Variants in ABLIM3 observed in about 807,000 individuals in gnomAD.
The protein encoded by ABLIM3 is actin binding LIM protein family member 3, also known as actin-binding LIM protein 3.
Under a neutral mutation model 109.5 loss-of-function variants are expected in ABLIM3, and 61 were observed. The ratio of observed to expected loss-of-function variants is 0.56; its 90% CI spans 0.45 to 0.69. The LOEUF is 0.69. ABLIM3 is among the 30% of genes least tolerant of loss of function. The probability of loss-of-function intolerance (pLI) is 0.00; values close to 1 mark genes in which losing one functional copy is unlikely to be tolerated. For synonymous variants in ABLIM3, 300 were observed against 324.8 expected (o/e 0.92, Z 0.82); for missense variants, 796 against 889.5 (o/e 0.89, Z 1.34).
intron 2 of ABLIM3, among the ~76,000 whole-genome samples, chr5:149,160,994 C>T (rs141673172): frequency 6.6e-6 from 1 of 152,330 alleles, no homozygotes; most frequent in East Asian, 1.9e-4. Context: ...GGCTTCTTAG[C>T]CCTAATCCCC....
At chr5:149,185,188 G>C (rs532799824) in intron 3 of ABLIM3, among the ~76,000 whole-genome samples, 1 of 152,268 alleles carries the variant, frequency 6.6e-6, no homozygotes, top group South Asian at 2.1e-4. Context: ...CTCTGGGTTG[G>C]CTGGGAAGTG....
chr5:149,203,639 C>T (rs567660365), intron 5 of ABLIM3, among the ~76,000 whole-genome samples: 141 of 152,166 alleles, frequency 9.3e-4, no homozygotes, highest in African/African-American at 3.2e-3. Context: ...CCTTCGCCAA[C>T]GCTACCATAA....
chr5:149,173,420 C>T (rs556474339), intron 2 of ABLIM3, among the ~76,000 whole-genome samples: 1 of 152,304 alleles, frequency 6.6e-6, no homozygotes, highest in South Asian at 2.1e-4. Flanking sequence ...AGGCAAGTGT[C>T]CCTGATCTGA....
At chr5:149,242,766 A>G (rs12153240) in intron 15 of ABLIM3, among the ~76,000 whole-genome samples, 62,177 of 151,956 alleles carry the variant, frequency 0.41, 13,286 homozygotes, top group East Asian at 0.59. Context: ...CACCTTTGCA[A>G]TCTCCCCCTT....
Position 149,146,519 on chromosome 5 carries a change from A to G in ABLIM3, c.13+4411A>G, listed in dbSNP as rs142667684. On this transcript the variant is annotated intron_variant, in intron 2 of 23. Transcript: ENST00000309868. ...TGGTGAAAGGTAAGGGTCCAGTTTC[A>G]TTTTTCTGCATGTGGTTAGCCAACT... Among the ~76,000 whole-genome samples, 37 of 152,184 alleles carry G rather than the reference A, an allele frequency of 2.4e-4. No individual in the cohort carries two copies. The East Asian group carries it at 7.2e-3, about 29-fold the overall frequency.
chr5:149,237,541 T>TCATATGAGCCTCATTC lies in ABLIM3; in HGVS notation c.983_984insATATGAGCCTCATTCC (p.Arg334LeufsTer2), dbSNP rs1186603213. The TCATATGAGCCTCATTC allele has an allele frequency of 1.9e-6, 3 of 1,614,166 alleles. No homozygotes were observed. ...CGAGGTACAACGCCCCGACCTCATTTCCTATGAGCCTCATTCCAGATACAT... is the reference window on the plus strand; with the variant it reads ...CGAGGTACAACGCCCCGACCTCATTTCATATGAGCCTCATTCCCTATGAGCCTCATTCCAGATACAT... On this transcript the variant is annotated frameshift_variant, in exon 11 of 24. Transcript: ENST00000309868. LOFTEE classifies it high-confidence loss of function.
In ABLIM3 at chr5:149,186,907, T is replaced by C. The variant is rs551398924; in HGVS notation, c.151+3318T>C. 4.6e-5 allele frequency among the ~76,000 whole-genome samples: 7 copies of C among 151,652 alleles called. No homozygotes were observed. In the Middle Eastern group the frequency reaches 0.024, roughly 519 times the overall value. Reference sequence around the variant, plus strand: ...GCAGAAGATTTGAAAAGGAAACAAATAAAACTTCTAAAAATAGAAATATAT... The same window carrying C: ...GCAGAAGATTTGAAAAGGAAACAAACAAAACTTCTAAAAATAGAAATATAT... On this transcript the variant is annotated intron_variant, in intron 3 of 23. Coordinates refer to ENST00000309868, the MANE Select transcript of ABLIM3 (RefSeq NM_014945.5).
intron 8 of ABLIM3, among the ~76,000 whole-genome samples, chr5:149,221,563 G>A (rs1392284216): frequency 2.6e-5 from 4 of 152,120 alleles, no homozygotes; most frequent in Non-Finnish European, 5.9e-5. Context: ...GGAGACAAGA[G>A]CAAGTTTTAT....
intron 7 of ABLIM3, among the ~76,000 whole-genome samples, chr5:149,211,719 A>G (rs1161540044): frequency 6.6e-6 from 1 of 151,720 alleles, no homozygotes; most frequent in Non-Finnish European, 1.5e-5. Context: ...AGCCACATGT[A>G]GACTCAGCAG....
chr5:149,204,226 G>A (rs1232131162), intron 5 of ABLIM3, among the ~76,000 whole-genome samples: 5 of 152,332 alleles, frequency 3.3e-5, no homozygotes, highest in East Asian at 3.9e-4. Context: ...GGGACAGGTG[G>A]TAGCATCATA....
Position 149,206,954 on chromosome 5 carries a change from C to A in ABLIM3, c.449-54C>A. 7.0e-6 allele frequency: 11 copies of A among 1,578,814 alleles called. 1 individual carries two copies. The highest frequency in any genetic ancestry group is 5.7e-5 in the South Asian group (5 of 87,920). On this transcript the variant is annotated intron_variant, in intron 5 of 23. Coordinates refer to ENST00000309868, the MANE Select transcript of ABLIM3 (RefSeq NM_014945.5). ...TTTCCTTGACGTGGGCCTGAGATAG[C>A]GGGGGTTAAAGGGCCCAGGGTGCTT...
At chr5:149,211,819 G>T (rs1041814824) in intron 7 of ABLIM3, among the ~76,000 whole-genome samples, 2 of 152,128 alleles carry the variant, frequency 1.3e-5, no homozygotes, top group African/African-American at 4.8e-5. Flanking sequence ...GAAGGGCCCT[G>T]AGGTGGGAAA....
At chr5:149,237,704 T>C in intron 11 of ABLIM3, 101 bp downstream of exon 11, 1 of 1,482,600 alleles carries the variant, frequency 6.7e-7, no homozygotes, top group Non-Finnish European at 9.1e-7. Context: ...TCCACAATGC[T>C]GGCTCCCAGA....
chr5:149,240,418 C>A, intron 13 of ABLIM3: 1 of 540,630 alleles, frequency 1.8e-6, no homozygotes, highest in Non-Finnish European at 3.3e-6. Context: ...CTTCCTGGAG[C>A]TCAGTAGAGT....
intron 8 of ABLIM3, among the ~76,000 whole-genome samples, chr5:149,223,567 C>T (rs561157703): frequency 6.8e-4 from 104 of 152,298 alleles, no homozygotes; most frequent in Middle Eastern, 3.4e-3. Context: ...TCGAGGGGCC[C>T]GTGAGCACCA....
intron 20 of ABLIM3, among the ~76,000 whole-genome samples, 197 bp from the exon 21 acceptor site, chr5:149,251,162 A>G (rs1753887056): frequency 1.3e-5 from 2 of 152,224 alleles, no homozygotes; most frequent in African/African-American, 4.8e-5. Flanking sequence ...AAATGGATAT[A>G]TATTGAGTAG....
At chr5:149,195,284 G>A (rs1581100775) in intron 3 of ABLIM3, among the ~76,000 whole-genome samples, 1 of 152,254 alleles carries the variant, frequency 6.6e-6, no homozygotes, top group East Asian at 1.9e-4. Context: ...CGCATTCTGG[G>A]GCTGTGTGCA....
chr5:149,239,411 G>C, intron 12 of ABLIM3, 134 bp downstream of exon 12: 2 of 997,244 alleles, frequency 2.0e-6, no homozygotes, highest in Non-Finnish European at 3.1e-6. Flanking sequence ...GTGCTGGAGA[G>C]ACTCGGGTGC....
intron 10 of ABLIM3, among the ~76,000 whole-genome samples, chr5:149,236,303 T>C (rs1292174449): frequency 2.0e-5 from 3 of 152,142 alleles, no homozygotes; most frequent in African/African-American, 7.2e-5. Flanking sequence ...AGCTTATAGG[T>C]ATTTATGAAT....
Sources: allele counts gnomAD v4.1 joint callset (sites outside exome capture counted in the v4.1 genomes callset), GRCh38; gene constraint gnomAD v4.1.1; transcripts MANE v1.5; gene names NCBI Gene and HGNC (gene_info 2026-07-23, HGNC 2026-07-21).